The following MVD variants were observed in gnomAD, a reference collection of about 807,000 sequenced individuals.
MVD encodes mevalonate diphosphate decarboxylase.
Under a neutral mutation model 42.4 loss-of-function variants are expected in MVD, and 52 were observed. That is an observed-to-expected ratio of 1.23 (90% confidence interval 0.98 to 1.55). The LOEUF is 1.55. MVD is among the 40% of genes most tolerant of loss of function. The probability of loss-of-function intolerance (pLI) is 0.00; values close to 1 mark genes in which losing one functional copy is unlikely to be tolerated. For missense variants in MVD, 663 were observed against 572.1 expected, an observed-to-expected ratio of 1.16 and a Z score of -1.62; for synonymous variants, 287 against 243.2, an observed-to-expected ratio of 1.18 and a Z score of -1.68.
intron 1 of MVD, chr16:88,658,980 C>G: frequency 2.0e-6 from 1 of 498,016 alleles, no homozygotes; most frequent in East Asian, 3.8e-5. Flanking sequence ...CGCTTCTACT[C>G]CAGCATCCGT....
chr16:88,659,045 A>C (rs1908124905), intron 1 of MVD: 1 of 356,098 alleles, frequency 2.8e-6, no homozygotes, highest in East Asian at 6.3e-5. Flanking sequence ...CCACCTTCCC[A>C]AACAAAAGGA....
At chr16:88,660,569 C>G (rs1047170497) in intron 1 of MVD, 1 of 151,634 alleles carries the variant, frequency 6.6e-6, no homozygotes, top group Non-Finnish European at 1.5e-5. Context: ...CGGTTGAACC[C>G]GGGAAGCGGA....
chr16:88,661,486 A>C (rs1908287822), intron 1 of MVD, among the ~76,000 whole-genome samples: 1 of 152,090 alleles, frequency 6.6e-6, no homozygotes, highest in South Asian at 2.1e-4. Flanking sequence ...AGCCTCCCCA[A>C]GTGCTGGGAT....
chr16:88,655,874 C>G, intron 5 of MVD, 144 bp from the exon 6 acceptor site: 4 of 1,157,842 alleles, frequency 3.5e-6, no homozygotes, highest in South Asian at 1.5e-5. Context: ...AGAGGCCTCC[C>G]GGCCACAGCA....
Position 88,653,478 on chromosome 16 carries a change from G to A in MVD, c.1014-70C>T, listed in dbSNP as rs894713707. On this transcript the variant is annotated intron_variant, in intron 8 of 9. Transcript: ENST00000301012. The stretch of plus-strand genomic sequence containing the variant: ...AAGCGTCTACAACAGTCTACAACAG[G>A]CAAGTCCAGAGATGGGAAGTGCATT... The A allele has an allele frequency of 3.4e-5, 44 of 1,307,102 alleles. No homozygotes were observed. In the African/African-American group the frequency reaches 5.5e-4, roughly 16 times the overall value. 81.0% of individuals were successfully genotyped at this position (1,307,102 alleles called of 1,614,324 possible). A position where few individuals can be genotyped will look rare whatever the true frequency, so the allele number is the denominator to read the frequency against.
chr16:88,655,615 G>A (rs917000973), intron 6 of MVD, 41 bp downstream of exon 6: 54 of 1,544,256 alleles, frequency 3.5e-5, no homozygotes, highest in African/African-American at 5.5e-5. Context: ...GGGCACAAGC[G>A]TGACTCCCAG....
At chr16:88,654,212 C>G (rs1907761961) in intron 8 of MVD, among the ~76,000 whole-genome samples, 2 of 152,220 alleles carry the variant, frequency 1.3e-5, no homozygotes, top group South Asian at 4.1e-4. Context: ...CGCCAAGATG[C>G]AGCTGCCGGA....
rs1907871569 is a variant in MVD at position 88,655,689 on chromosome 16, C to T, written c.645G>A (p.Met215Ile). 1.3e-6 allele frequency: 2 copies of T among 1,559,458 alleles called. No individual in the cohort carries two copies. Among genetic ancestry groups the T allele is most frequent in the Non-Finnish European group, 1.7e-6 (2 of 1,151,872 alleles). ...EKKLTGSTVGMRASVETSPLL... is the reference protein window; with the variant it reads ...EKKLTGSTVGIRASVETSPLL... ...GGGGGCTGGTCTCCACACTGGCCCG[C>T]ATGCCCACGGTACTGCCTGTCAGCT... Residue 215 changes from methionine (M) to isoleucine (I), a missense_variant, in exon 6 of 10, where the codon ATG becomes ATA. Coordinates refer to ENST00000301012, the MANE Select transcript of MVD (RefSeq NM_002461.3).
At position 88,658,233 on chromosome 16, in the gene MVD, C is replaced by A. The variant is rs1160008674; in HGVS notation, c.142-204G>T. ...GCGTGGGCCACACCTTGTGGAGCAACCAGGCCTTATCCTGAATAAAGAGAC... is the reference window on the plus strand; with the variant it reads ...GCGTGGGCCACACCTTGTGGAGCAAACAGGCCTTATCCTGAATAAAGAGAC... On this transcript the variant is annotated intron_variant, in intron 2 of 9. Transcript: ENST00000301012. Among the ~76,000 whole-genome samples the A allele has an allele frequency of 2.0e-5, 3 of 152,126 alleles. 1 individual carries two copies. Among genetic ancestry groups the A allele is most frequent in the Middle Eastern group, 6.3e-3 (2 of 316 alleles).
At chr16:88,658,171 C>G (rs1049941872) in intron 2 of MVD, 142 bp from the exon 3 acceptor site, 1 of 782,956 alleles carries the variant, frequency 1.3e-6, no homozygotes, top group African/African-American at 1.7e-5. Flanking sequence ...AAAGGCCAGT[C>G]TCAGCTGGGC....
At chr16:88,656,383 T>C in intron 4 of MVD, 79 bp from the exon 5 acceptor site, 1 of 1,465,304 alleles carries the variant, frequency 6.8e-7, no homozygotes, top group Non-Finnish European at 9.4e-7. Flanking sequence ...CCCAGGAACG[T>C]CCCACACCCC....
rs533095948 is a variant in MVD at position 88,652,099 on chromosome 16, G to C, written c.*426C>G. ...AGCGCCGTGGGCAGCCACCATCCGA[G>C]GCACTTGGTGGTTTCCTGAGGCCCA... On this transcript the variant is annotated 3_prime_UTR_variant, in exon 10 of 10. Coordinates refer to ENST00000301012, the MANE Select transcript of MVD (RefSeq NM_002461.3). The C allele has an allele frequency of 4.0e-3, 945 of 236,652 alleles. 4 individuals are homozygous for C. Among genetic ancestry groups the C allele is most frequent in the Non-Finnish European group, 5.8e-3 (678 of 117,178 alleles). 14.7% of individuals were successfully genotyped at this position (236,652 alleles called of 1,614,324 possible). A position where few individuals can be genotyped will look rare whatever the true frequency, so the allele number is the denominator to read the frequency against.
At chr16:88,655,475 C>G in intron 6 of MVD, 58 bp from the exon 7 acceptor site, 1 of 1,530,982 alleles carries the variant, frequency 6.5e-7, no homozygotes. Context: ...GCAGAGGGTT[C>G]GAGGAGAGAC....
At chr16:88,655,795 C>T in intron 5 of MVD, 65 bp from the exon 6 acceptor site, 1 of 1,522,504 alleles carries the variant, frequency 6.6e-7, no homozygotes. Flanking sequence ...ACCTCAGCCT[C>T]AAACACTCGG....
At chr16:88,655,105 C>G (rs1163064140) in intron 7 of MVD, 94 bp downstream of exon 7, 2 of 1,396,096 alleles carry the variant, frequency 1.4e-6, no homozygotes, top group African/African-American at 1.4e-5. Context: ...ACAGATTGCC[C>G]TGCACGCGAG....
intron 6 of MVD, 25 bp from the exon 7 acceptor site, chr16:88,655,442 T>C (rs1281765098): frequency 1.9e-6 from 3 of 1,548,106 alleles, no homozygotes; most frequent in East Asian, 2.4e-5. Context: ...GTGTTTCCCA[T>C]GGAGCCGCTG....
chr16:88,661,942 G>GTA (rs55812622), intron 1 of MVD, among the ~76,000 whole-genome samples: 137,463 of 149,548 alleles, frequency 0.92, 64,100 homozygotes, highest in Non-Finnish European at 0.99. Context: ...CTATACAGGT[G>GTA]TATATATATA....
chr16:88,652,094 T>C lies in MVD; in HGVS notation c.*431A>G. 1 of 234,810 alleles carries C rather than the reference T, an allele frequency of 4.3e-6. No individual in the cohort carries two copies. The highest frequency in any genetic ancestry group is 8.6e-6 in the Non-Finnish European group (1 of 115,988). The allele number at this position is 234,810 out of a possible 1,614,324, so 14.5% of individuals were successfully genotyped here. On this transcript the variant is annotated 3_prime_UTR_variant, in exon 10 of 10. Transcript: ENST00000301012. Reference sequence around the variant, plus strand: ...GCAGAAGCGCCGTGGGCAGCCACCATCCGAGGCACTTGGTGGTTTCCTGAG... The same window carrying C: ...GCAGAAGCGCCGTGGGCAGCCACCACCCGAGGCACTTGGTGGTTTCCTGAG...
At chr16:88,653,762 G>C in intron 8 of MVD, among the ~76,000 whole-genome samples, 1 of 152,124 alleles carries the variant, frequency 6.6e-6, no homozygotes, top group East Asian at 1.9e-4. Flanking sequence ...TAACAGCTCA[G>C]GGAAGCGCCC....
Sources: allele counts gnomAD v4.1 joint callset (sites outside exome capture counted in the v4.1 genomes callset), GRCh38; gene constraint gnomAD v4.1.1; transcripts MANE v1.5; gene names NCBI Gene and HGNC (gene_info 2026-07-23, HGNC 2026-07-21).